Variants in MARCHF11 observed in about 807,000 individuals in gnomAD.
MARCHF11 encodes the protein membrane associated ring-CH-type finger 11, also known as E3 ubiquitin-protein ligase MARCHF11.
MARCHF11 carries 29 observed loss-of-function variants against 37.3 expected under a neutral mutation model. The observed-to-expected ratio is 0.78, with a 90% CI of 0.58 to 1.06. The LOEUF is 1.06. Ranked by LOEUF, MARCHF11 falls within the 50% of genes least tolerant of loss-of-function variation. The pLI, the probability that MARCHF11 is intolerant of heterozygous loss-of-function variation, is 0.00. For synonymous variants in MARCHF11, 233 were observed against 228.0 expected (o/e 1.02, Z -0.20); for missense variants, 482 against 533.4 (o/e 0.90, Z 0.95).
chr5:16,105,413 CTT>C (rs1205623696), intron 2 of MARCHF11, among the ~76,000 whole-genome samples: 1 of 152,168 alleles, frequency 6.6e-6, no homozygotes, highest in Non-Finnish European at 1.5e-5. Flanking sequence ...CCTCGCAGTC[CTT>C]TAGTTTTCCC....
intron 2 of MARCHF11, among the ~76,000 whole-genome samples, chr5:16,142,290 G>A (rs344701): frequency 0.49 from 74,676 of 151,984 alleles, 19,142 homozygotes; most frequent in Middle Eastern, 0.61. Context: ...ATCATGATAC[G>A]GTTTTCTCTT....
At chr5:16,157,129 T>G (rs6876186) in intron 2 of MARCHF11, among the ~76,000 whole-genome samples, 35,521 of 151,604 alleles carry the variant, frequency 0.23, 4,311 homozygotes, top group South Asian at 0.33. Context: ...ACAAAAAAAC[T>G]TAGAAATAAA....
intron 3 of MARCHF11, among the ~76,000 whole-genome samples, chr5:16,082,921 C>T (rs1271837029): frequency 6.6e-5 from 10 of 152,100 alleles, no homozygotes; most frequent in Admixed American, 6.5e-4. Context: ...AGGTAAGCAG[C>T]CTTCTGCACC....
intron 2 of MARCHF11, among the ~76,000 whole-genome samples, chr5:16,124,553 C>A (rs1168639991): frequency 6.6e-6 from 1 of 152,122 alleles, no homozygotes; most frequent in Admixed American, 6.5e-5. Flanking sequence ...ACAGAACCAT[C>A]AGTCAGGATG....
intron 2 of MARCHF11, among the ~76,000 whole-genome samples, chr5:16,158,423 G>T (rs1482094746): frequency 1.3e-5 from 2 of 151,890 alleles, no homozygotes; most frequent in Non-Finnish European, 1.5e-5. Context: ...ATGCATAATG[G>T]AATACTATTC....
intron 2 of MARCHF11, among the ~76,000 whole-genome samples, chr5:16,160,721 TAGAG>T (rs1392146808): frequency 7.2e-5 from 11 of 151,966 alleles, no homozygotes; most frequent in East Asian, 1.9e-4. Flanking sequence ...TCTCATCAAA[TAGAG>T]AGACACCTTG....
chr5:16,172,629 C>G (rs562609433), intron 2 of MARCHF11, among the ~76,000 whole-genome samples: 5 of 152,298 alleles, frequency 3.3e-5, no homozygotes, highest in East Asian at 1.9e-4. Flanking sequence ...AGTTCATGCT[C>G]TGATGTTTTC....
At chr5:16,106,560 T>G (rs1737043202) in intron 2 of MARCHF11, among the ~76,000 whole-genome samples, 7 of 152,178 alleles carry the variant, frequency 4.6e-5, no homozygotes, top group Admixed American at 3.9e-4. Flanking sequence ...AGTGACTTGT[T>G]GTGACAGCAT....
chr5:16,077,178 T>C (rs1352377474), intron 3 of MARCHF11, among the ~76,000 whole-genome samples: 1 of 152,170 alleles, frequency 6.6e-6, no homozygotes, highest in East Asian at 1.9e-4. Context: ...GGGAATTGCT[T>C]TGGTAGATTT....
chr5:16,075,586 GGA>G (rs141356580), intron 3 of MARCHF11, among the ~76,000 whole-genome samples: 13 of 148,322 alleles, frequency 8.8e-5, no homozygotes, highest in South Asian at 8.6e-4. Context: ...TGAAAGAGAG[GGA>G]GAGAGAGAGA....
At chr5:16,091,251 T>C (rs1736787561) in intron 2 of MARCHF11, among the ~76,000 whole-genome samples, 170 bp from the exon 3 acceptor site, 1 of 152,240 alleles carries the variant, frequency 6.6e-6, no homozygotes, top group Non-Finnish European at 1.5e-5. Context: ...GAGAAGCAGA[T>C]AAAGATTAAT....
intron 3 of MARCHF11, among the ~76,000 whole-genome samples, chr5:16,068,563 A>C (rs79665580): frequency 0.064 from 9,763 of 152,170 alleles, 977 homozygotes; most frequent in African/African-American, 0.22. Flanking sequence ...AGTGAATCAG[A>C]TCTTTCCACG....
intron 3 of MARCHF11, among the ~76,000 whole-genome samples, chr5:16,074,293 A>G (rs1003837932): frequency 1.3e-5 from 2 of 152,202 alleles, no homozygotes; most frequent in African/African-American, 4.8e-5. Flanking sequence ...TGCCTACATC[A>G]AAAAGTCTGA....
At chr5:16,071,235 C>T (rs78302521) in intron 3 of MARCHF11, among the ~76,000 whole-genome samples, 2,807 of 152,192 alleles carry the variant, frequency 0.018, 71 homozygotes, top group African/African-American at 0.064. Flanking sequence ...TTCTATAAAA[C>T]GTAAATACTG....
At chr5:16,147,699 G>A (rs369611202) in intron 2 of MARCHF11, among the ~76,000 whole-genome samples, 3 of 4,418 alleles carry the variant, frequency 6.8e-4, no homozygotes, top group African/African-American at 3.9e-3. Flanking sequence ...GTTATTCCAC[G>A]AGTCATTCCT....
intron 3 of MARCHF11, among the ~76,000 whole-genome samples, chr5:16,084,886 C>T (rs1052668341): frequency 1.3e-5 from 2 of 151,534 alleles, no homozygotes; most frequent in African/African-American, 4.8e-5. Flanking sequence ...AGAAAGACAA[C>T]ATAAACAATT....
intron 2 of MARCHF11, among the ~76,000 whole-genome samples, chr5:16,174,527 T>A (rs1738323598): frequency 6.6e-6 from 1 of 152,228 alleles, no homozygotes; most frequent in Non-Finnish European, 1.5e-5. Context: ...CACTGCAGCG[T>A]GTTTTCCTCA....
Position 16,179,185 on chromosome 5 carries a change from C to A in MARCHF11, c.391G>T (p.Glu131Ter). Reference protein sequence around the residue: ...ESEAGAGGERERRGAGDQPET... With the variant: ...ESEAGAGGER ...GGCTGGTCTCCGGCGCCCCGCCGCT[C>A]GCGCTCGCCGCCCGCGCCGGCCTCA... Residue 131 changes from glutamate (E) to a stop codon, truncating the protein, a stop_gained, in exon 1 of 4, where the codon GAG becomes TAG. Transcript: ENST00000332432. LOFTEE classifies it high-confidence loss of function. 7.4e-7 allele frequency: 1 copy of A among 1,349,090 alleles called. No individual in the cohort carries two copies. The highest frequency in any genetic ancestry group is 9.4e-7 in the Non-Finnish European group (1 of 1,058,782). The allele number at this position is 1,349,090 out of a possible 1,614,324, so 83.6% of individuals were successfully genotyped here. A position where few individuals can be genotyped will look rare whatever the true frequency, so the allele number is the denominator to read the frequency against.
intron 2 of MARCHF11, among the ~76,000 whole-genome samples, chr5:16,164,211 T>A (rs1317866316): frequency 6.6e-6 from 1 of 152,014 alleles, no homozygotes; most frequent in Non-Finnish European, 1.5e-5. Context: ...CAGGAAGATA[T>A]AACACTTAAT....
Sources: gnomAD v4.1 joint callset for allele counts (sites outside exome capture counted in the v4.1 genomes callset) on GRCh38, gnomAD v4.1.1 for gene constraint, MANE v1.5 for transcripts, NCBI Gene and HGNC (gene_info 2026-07-23, HGNC 2026-07-21) for gene names.